The following LARGE1 variants were observed in gnomAD, a reference collection of about 807,000 sequenced individuals.
The protein encoded by LARGE1 is xylosyl- and glucuronyltransferase LARGE1.
A neutral mutation model predicts 87.6 loss-of-function variants in LARGE1; 43 were observed. The ratio of observed to expected loss-of-function variants is 0.49; its 90% CI spans 0.38 to 0.63. The LOEUF is 0.63. Ranked by LOEUF, LARGE1 falls within the 30% of genes least tolerant of loss-of-function variation. The probability of loss-of-function intolerance (pLI) is 0.00; values close to 1 mark genes in which losing one functional copy is unlikely to be tolerated. For synonymous variants in LARGE1, 434 were observed against 394.6 expected, an observed-to-expected ratio of 1.10 and a Z score of -1.18; for missense variants, 802 against 1,000.2, an observed-to-expected ratio of 0.80 and a Z score of 2.67.
chr22:33,753,906 A>G (rs1011274683), intron 2 of LARGE1, among the ~76,000 whole-genome samples: 2 of 151,350 alleles, frequency 1.3e-5, no homozygotes, highest in African/African-American at 4.9e-5. Flanking sequence ...CTAAAAAAAC[A>G]AAAAAAATAA....
At chr22:33,210,571 C>T (rs904090030) in intron 11 of LARGE1, among the ~76,000 whole-genome samples, 7 of 152,234 alleles carry the variant, frequency 4.6e-5, no homozygotes, top group African/African-American at 1.7e-4. Context: ...ACCCCGCCAC[C>T]AGGCCCGCTG....
In LARGE1 at chr22:33,453,730, G is replaced by A. The variant is rs374344008; in HGVS notation, c.788-21465C>T. ...CTTGGTTCTCGCTAAACTCACCTAG[G>A]AACGGACTTTGTTCCAACCTCCAGT... On this transcript the variant is annotated intron_variant, in intron 6 of 14. Coordinates refer to ENST00000397394, the MANE Select transcript of LARGE1 (RefSeq NM_133642.5). Among the ~76,000 whole-genome samples the A allele has an allele frequency of 2.2e-3, 334 of 152,244 alleles. 2 individuals are homozygous for A. The highest frequency in any genetic ancestry group is 7.8e-3 in the African/African-American group (323 of 41,544).
In LARGE1 at chr22:33,216,576, C is replaced by T. The variant is rs533879561; in HGVS notation, c.1731-49744G>A. On this transcript the variant is annotated intron_variant, in intron 11 of 11. Coordinates refer to the LARGE1 transcript ENST00000608642. ...CCCAGGAGGCGGAGCTTGCAGTGGGCGACAGCGTGACACTCCATCTCAAAA... is the reference window on the plus strand; with the variant it reads ...CCCAGGAGGCGGAGCTTGCAGTGGGTGACAGCGTGACACTCCATCTCAAAA... Among the ~76,000 whole-genome samples, 21 of 141,664 alleles carry T rather than the reference C, an allele frequency of 1.5e-4. 1 individual carries two copies. The South Asian group carries it at 4.6e-3, about 31-fold the overall frequency. 92.9% of individuals were successfully genotyped at this position (141,664 alleles called of 152,430 possible).
At chr22:33,294,815 T>C (rs1018319036) in intron 12 of LARGE1, among the ~76,000 whole-genome samples, 1 of 152,112 alleles carries the variant, frequency 6.6e-6, no homozygotes, top group Non-Finnish European at 1.5e-5. Flanking sequence ...AGTAAGTGTA[T>C]AGGGAATGGA....
chr22:33,251,861 C>T, intron 11 of LARGE1, among the ~76,000 whole-genome samples: 1 of 152,114 alleles, frequency 6.6e-6, no homozygotes, highest in Non-Finnish European at 1.5e-5. Context: ...TAGACAATAA[C>T]CTCTGTCTAT....
chr22:33,357,079 A>C (rs1940959420), intron 9 of LARGE1, among the ~76,000 whole-genome samples: 1 of 152,350 alleles, frequency 6.6e-6, no homozygotes, highest in Admixed American at 6.5e-5. Flanking sequence ...TGTTCACTGC[A>C]GCACTATTCA....
chr22:33,907,193 C>A (rs576380520), intron 1 of LARGE1, among the ~76,000 whole-genome samples: 2 of 152,168 alleles, frequency 1.3e-5, no homozygotes, highest in Non-Finnish European at 2.9e-5. Flanking sequence ...GCTCCTCTGT[C>A]ACTCCTCTGT....
At chr22:33,305,932 G>A (rs1299309988) in intron 11 of LARGE1, among the ~76,000 whole-genome samples, 3 of 147,862 alleles carry the variant, frequency 2.0e-5, no homozygotes, top group East Asian at 2.0e-4. Flanking sequence ...TCCGCCTCCC[G>A]GGTTCACGCC....
chr22:33,240,247 A>G (rs1285145092), intron 11 of LARGE1, among the ~76,000 whole-genome samples: 1 of 152,226 alleles, frequency 6.6e-6, no homozygotes, highest in Admixed American at 6.5e-5. Context: ...ATTCCACTGA[A>G]GACTAATAAC....
At chr22:33,226,024 G>A (rs1602116366) in intron 11 of LARGE1, among the ~76,000 whole-genome samples, 3 of 152,110 alleles carry the variant, frequency 2.0e-5, no homozygotes, top group Admixed American at 2.0e-4. Flanking sequence ...ATAAACATTT[G>A]CATGCATGAG....
intron 11 of LARGE1, among the ~76,000 whole-genome samples, chr22:33,179,908 G>A (rs1365227974): frequency 6.6e-6 from 1 of 151,760 alleles, no homozygotes. Flanking sequence ...TTAAGAGGTG[G>A]GGCCTTTAAG....
chr22:33,838,412 G>C (rs1220792519), intron 1 of LARGE1, among the ~76,000 whole-genome samples: 3 of 152,220 alleles, frequency 2.0e-5, no homozygotes, highest in South Asian at 2.1e-4. Flanking sequence ...GCCAAGATGG[G>C]AAGATTCCTT....
chr22:33,488,908 C>A lies in LARGE1; in HGVS notation c.788-56643G>T, dbSNP rs189474127. Reference sequence around the variant, plus strand: ...TAATCACAACACCCAACTTGAAAAACTTCACAAAGCACTCCTTTCCCTGGA... The same window carrying A: ...TAATCACAACACCCAACTTGAAAAAATTCACAAAGCACTCCTTTCCCTGGA... On this transcript the variant is annotated intron_variant, in intron 6 of 14. Coordinates refer to ENST00000397394, the MANE Select transcript of LARGE1 (RefSeq NM_133642.5). Among the ~76,000 whole-genome samples, 449 of 152,354 alleles carry A rather than the reference C, an allele frequency of 2.9e-3. 3 individuals carry two copies. Among genetic ancestry groups the A allele is most frequent in the South Asian group, 0.019 (93 of 4,830 alleles).
the LARGE1 span, among the ~76,000 whole-genome samples, chr22:33,135,517 C>T: frequency 1.3e-5 from 2 of 152,150 alleles, no homozygotes; most frequent in Non-Finnish European, 2.9e-5. Flanking sequence ...TTTTCTAAAC[C>T]TTCATCATGA....
chr22:33,404,492 T>C (rs2066029533), intron 7 of LARGE1, among the ~76,000 whole-genome samples: 1 of 152,192 alleles, frequency 6.6e-6, no homozygotes. Flanking sequence ...CTGGCAGCCA[T>C]AAGGCCACAG....
At chr22:33,500,288 G>C (rs1487010542) in intron 6 of LARGE1, among the ~76,000 whole-genome samples, 1 of 152,162 alleles carries the variant, frequency 6.6e-6, no homozygotes, top group Non-Finnish European at 1.5e-5. Flanking sequence ...AGTGGGAGAT[G>C]ATTTTCTCAA....
intron 6 of LARGE1, among the ~76,000 whole-genome samples, chr22:33,477,748 G>A (rs976641920): frequency 3.9e-5 from 6 of 152,130 alleles, no homozygotes; most frequent in South Asian, 2.1e-4. Context: ...GCAATTCATC[G>A]GTAACAGATG....
the LARGE1 span, among the ~76,000 whole-genome samples, chr22:33,089,361 T>C: frequency 1.3e-5 from 1 of 76,692 alleles, no homozygotes; most frequent in South Asian, 5.5e-4. Flanking sequence ...CTTCTTCTTC[T>C]TCTTCTTCTC....
intron 11 of LARGE1, among the ~76,000 whole-genome samples, chr22:33,233,822 A>G (rs1354996773): frequency 6.6e-6 from 1 of 152,212 alleles, no homozygotes; most frequent in Non-Finnish European, 1.5e-5. Context: ...TGTTGACAAG[A>G]TGATCTCTCT....
Sources: allele counts gnomAD v4.1 joint callset (sites outside exome capture counted in the v4.1 genomes callset), GRCh38; gene constraint gnomAD v4.1.1; transcripts MANE v1.5; gene names NCBI Gene and HGNC (gene_info 2026-07-23, HGNC 2026-07-21).